SMG6: variants seen among roughly 807,000 people sequenced by gnomAD.
SMG6 encodes SMG6 nonsense mediated mRNA decay factor.
Under a neutral mutation model 142.2 loss-of-function variants are expected in SMG6, and 66 were observed. The observed-to-expected ratio is 0.46, with a 90% CI of 0.38 to 0.57. SMG6 has a LOEUF of 0.57. Among genes scored for constraint, SMG6 ranks in the 20% least tolerant of loss-of-function variants. The pLI, the probability that SMG6 is intolerant of heterozygous loss-of-function variation, is 0.00. For synonymous variants in SMG6, 779 were observed against 702.4 expected (o/e 1.11, Z -1.72); for missense variants, 1,793 against 1,832.0 (o/e 0.98, Z 0.39).
chr17:2,068,969 C>G lies in SMG6; in HGVS notation c.3682-38G>C. 6.2e-7 allele frequency: 1 copy of G among 1,605,494 alleles called. No homozygotes were observed. Among genetic ancestry groups the G allele is most frequent in the Non-Finnish European group, 8.5e-7 (1 of 1,174,304 alleles). ...AGTGGTGAATGAGCCAGACAGCGAG[C>G]AGGCAAGCAGGTGGGTGAGCCAGGG... On this transcript the variant is annotated intron_variant, in intron 15 of 18. Transcript: ENST00000263073. This position sits in a 1 kb window ranked among gnomAD's most constrained non-coding sequence, Gnocchi z 6.7.
chr17:2,247,065 T>C (rs536553322), intron 8 of SMG6, among the ~76,000 whole-genome samples: 5 of 152,272 alleles, frequency 3.3e-5, no homozygotes, highest in African/African-American at 1.2e-4. Context: ...AGAATGCAGA[T>C]CTCTAGATTT....
intron 13 of SMG6, among the ~76,000 whole-genome samples, chr17:2,149,298 C>T (rs1261910345): frequency 3.2e-5 from 4 of 126,504 alleles, no homozygotes; most frequent in African/African-American, 9.5e-5. Flanking sequence ...TGCAGTGAGC[C>T]GAGATCACAC....
At chr17:2,222,756 C>G (rs2073213681) in intron 10 of SMG6, among the ~76,000 whole-genome samples, 1 of 152,134 alleles carries the variant, frequency 6.6e-6, no homozygotes, top group Non-Finnish European at 1.5e-5. Flanking sequence ...TCAAGACTTT[C>G]TTTCCAAGTT....
chr17:2,141,196 CTT>C (rs796910583), intron 13 of SMG6, among the ~76,000 whole-genome samples: 9 of 152,306 alleles, frequency 5.9e-5, no homozygotes, highest in African/African-American at 2.2e-4. Context: ...GAAATAGTAA[CTT>C]TCCATCATTA....
At chr17:2,246,637 A>G (rs935099502) in intron 8 of SMG6, among the ~76,000 whole-genome samples, 2 of 152,184 alleles carry the variant, frequency 1.3e-5, no homozygotes, top group African/African-American at 4.8e-5. Flanking sequence ...GGCCAGGGAC[A>G]CTGGGTTCCA....
At chr17:2,142,801 T>G (rs926461132) in intron 13 of SMG6, among the ~76,000 whole-genome samples, 2 of 148,242 alleles carry the variant, frequency 1.3e-5, no homozygotes, top group African/African-American at 5.0e-5. Flanking sequence ...GGCGGGAGAA[T>G]TGGTTGAACC....
chr17:2,169,370 C>T (rs990226710), intron 13 of SMG6, among the ~76,000 whole-genome samples: 8 of 150,912 alleles, frequency 5.3e-5, no homozygotes, highest in South Asian at 2.1e-4. Flanking sequence ...GAGAACTTAA[C>T]GAAATACTGT....
intron 13 of SMG6, chr17:2,087,349 A>C (rs759966393): frequency 7.5e-6 from 9 of 1,207,232 alleles, no homozygotes; most frequent in African/African-American, 3.2e-5. Flanking sequence ...GCTGCCCAGG[A>C]AAGTGCGGCA....
chr17:2,065,690 A>G lies in SMG6; in HGVS notation c.3836-11T>C. On this transcript the variant is annotated splice_polypyrimidine_tract_variant and intron_variant, in intron 16 of 18. Transcript: ENST00000263073. ...CCAGCTCATTGATCACTGATGAGAT[A>G]GAGCCCCACAAGGTATCAGCCTCAG... 6.2e-7 allele frequency: 1 copy of G among 1,603,870 alleles called. No individual in the cohort carries two copies. Among genetic ancestry groups the G allele is most frequent in the Middle Eastern group, 1.7e-4 (1 of 6,032 alleles).
At chr17:2,205,131 C>T (rs1039716685) in intron 10 of SMG6, among the ~76,000 whole-genome samples, 5 of 152,030 alleles carry the variant, frequency 3.3e-5, no homozygotes, top group African/African-American at 7.2e-5. Flanking sequence ...TGCAATGGCG[C>T]GATCTCAGCT....
At chr17:2,291,483 G>A (rs2075035712) in intron 6 of SMG6, among the ~76,000 whole-genome samples, 1 of 152,034 alleles carries the variant, frequency 6.6e-6, no homozygotes, top group African/African-American at 2.4e-5. Context: ...CTGCAAAGAG[G>A]GCGGGAAAAA....
chr17:2,094,542 A>G (rs570666770), intron 13 of SMG6, among the ~76,000 whole-genome samples: 1 of 152,130 alleles, frequency 6.6e-6, no homozygotes, highest in African/African-American at 2.4e-5. Context: ...CTTGGCCAAC[A>G]GTATCTTATT....
intron 13 of SMG6, among the ~76,000 whole-genome samples, chr17:2,143,332 G>A (rs2070548588): frequency 6.6e-6 from 1 of 152,102 alleles, no homozygotes; most frequent in Non-Finnish European, 1.5e-5. Context: ...CAACCTAAAT[G>A]TTTATGAAAC....
At chr17:2,291,268 T>C (rs1331985722) in intron 6 of SMG6, among the ~76,000 whole-genome samples, 1 of 151,466 alleles carries the variant, frequency 6.6e-6, no homozygotes, top group African/African-American at 2.4e-5. Flanking sequence ...GAGGCGGAGC[T>C]TGCCGTGAGC....
chr17:2,069,022 T>C, intron 15 of SMG6, 91 bp from the exon 16 acceptor site: 1 of 1,324,356 alleles, frequency 7.6e-7, no homozygotes, highest in Non-Finnish European at 1.1e-6. Flanking sequence ...GTCAGCATCC[T>C]GCCCCTAGGA....
chr17:2,098,928 G>A (rs1457344072), intron 13 of SMG6, among the ~76,000 whole-genome samples: 1 of 152,168 alleles, frequency 6.6e-6, no homozygotes, highest in African/African-American at 2.4e-5. Context: ...ACCGTGCCTG[G>A]CCATGTTACA....
chr17:2,168,517 T>C (rs1263955897), intron 13 of SMG6, among the ~76,000 whole-genome samples: 1 of 152,164 alleles, frequency 6.6e-6, no homozygotes, highest in East Asian at 1.9e-4. Context: ...CAAGAGTTCC[T>C]AAAGATTCAA....
intron 8 of SMG6, among the ~76,000 whole-genome samples, chr17:2,258,859 G>A (rs935108725): frequency 8.7e-5 from 13 of 149,920 alleles, no homozygotes; most frequent in Non-Finnish European, 1.8e-4. Flanking sequence ...ATGTTGGGGG[G>A]CCGAGGTCAG....
chr17:2,282,575 A>T, intron 8 of SMG6, 72 bp downstream of exon 8: 1 of 1,462,048 alleles, frequency 6.8e-7, no homozygotes, highest in Non-Finnish European at 9.6e-7. Context: ...TCTGTGCCTC[A>T]CAGCTGTATG....
Sources: allele counts gnomAD v4.1 joint callset (sites outside exome capture counted in the v4.1 genomes callset), GRCh38; gene constraint gnomAD v4.1.1; non-coding constraint Gnocchi (gnomAD v3.1); transcripts MANE v1.5; gene names NCBI Gene and HGNC (gene_info 2026-07-23, HGNC 2026-07-21).